ATP6V1C1: variants seen among roughly 807,000 people sequenced by gnomAD.
ATP6V1C1 encodes ATPase H+ transporting V1 subunit C1, also known as V-type proton ATPase subunit C 1.
In ATP6V1C1, 45 loss-of-function variants were observed where a neutral mutation model predicts 53.9. The observed-to-expected ratio is 0.83, with a 90% CI of 0.66 to 1.07. ATP6V1C1 has a LOEUF of 1.07. ATP6V1C1 is among the 50% of genes least tolerant of loss of function. The pLI is 0.00. For missense variants in ATP6V1C1, 315 were observed against 440.3 expected, an observed-to-expected ratio of 0.72 and a Z score of 2.55; for synonymous variants, 153 against 155.2, an observed-to-expected ratio of 0.99 and a Z score of 0.11.
At chr8:103,057,205 A>G (rs886303553) in intron 8 of ATP6V1C1, among the ~76,000 whole-genome samples, 5 of 152,228 alleles carry the variant, frequency 3.3e-5, no homozygotes, top group Non-Finnish European at 7.3e-5. Flanking sequence ...AATAACTCCT[A>G]CAAGTTTCCC....
chr8:103,053,972 G>T lies in ATP6V1C1; in HGVS notation c.562G>T (p.Val188Leu). 6.2e-7 allele frequency: 1 copy of T among 1,606,008 alleles called. No individual in the cohort carries two copies. The highest frequency in any genetic ancestry group is 8.5e-7 in the Non-Finnish European group (1 of 1,175,616). ...AGAGTATCTCGTCACATTACTGGTA[G>T]TAGTTCCCAAGTAAGTCTTTCTATT... ...DSEYLVTLLV[V>L]VPKLNHNDWI... Residue 188 changes from valine to leucine, a missense_variant, in exon 7 of 13, where the codon GTA becomes TTA. Val to Leu is a conservative substitution (Grantham distance 32, BLOSUM62 1). Coordinates refer to ENST00000518738, the MANE Select transcript of ATP6V1C1 (RefSeq NM_001695.5).
At position 103,064,725 on chromosome 8, in the gene ATP6V1C1, A is replaced by G. The variant is rs767886084; in HGVS notation, c.840A>G (p.Val280=). 1.2e-5 allele frequency: 20 copies of G among 1,612,964 alleles called. No homozygotes were observed. In the South Asian group the frequency reaches 2.1e-4, roughly 17 times the overall value. ...TTTTCTTTTTATAGGGACCACTTGT[A>G]CGGTGGCTGAAAGTGAATTTTAGTG... is the stretch of plus-strand genomic sequence containing the variant. ...TDKKKQFGPL[V]RWLKVNFSEA... Residue 280 remains valine (V), a synonymous_variant, in exon 11 of 13, where the codon GTA becomes GTG. Transcript: ENST00000518738.
intron 1 of ATP6V1C1, among the ~76,000 whole-genome samples, chr8:103,039,737 A>G (rs1816961370): frequency 6.6e-6 from 1 of 151,832 alleles, no homozygotes. Flanking sequence ...TGGGAAGGGG[A>G]AGGAGGAGGA....
chr8:103,048,496 A>G (rs1485425794), intron 3 of ATP6V1C1, among the ~76,000 whole-genome samples: 1 of 152,228 alleles, frequency 6.6e-6, no homozygotes, highest in Non-Finnish European at 1.5e-5. Flanking sequence ...ATAGGAACAT[A>G]GTGAATGCTA....
intron 8 of ATP6V1C1, among the ~76,000 whole-genome samples, chr8:103,058,906 T>C (rs1817338934): frequency 6.6e-6 from 1 of 152,098 alleles, no homozygotes; most frequent in Non-Finnish European, 1.5e-5. Flanking sequence ...GCTGTGCTGC[T>C]GTTCTGCTTT....
rs909358157 is a variant in ATP6V1C1, at chr8:103,055,770, C to T, written c.573-98C>T. 8 of 1,133,818 alleles carry T rather than the reference C, an allele frequency of 7.1e-6. No homozygotes were observed. The Admixed American group carries it at 1.7e-4, about 25-fold the overall frequency. 70.2% of individuals were successfully genotyped at this position (1,133,818 alleles called of 1,614,324 possible). A position where few individuals can be genotyped will look rare whatever the true frequency, so the allele number is the denominator to read the frequency against. The stretch of plus-strand genomic sequence containing the variant: ...AGAGTTGAAGTATACTTACTATAGC[C>T]AGATTTCCTATTTGTCTCATAATTT... On this transcript the variant is annotated intron_variant, in intron 7 of 12. Coordinates refer to ENST00000518738, the MANE Select transcript of ATP6V1C1 (RefSeq NM_001695.5).
At chr8:103,057,466 C>T (rs544572421) in intron 8 of ATP6V1C1, among the ~76,000 whole-genome samples, 1 of 152,334 alleles carries the variant, frequency 6.6e-6, no homozygotes, top group South Asian at 2.1e-4. Flanking sequence ...TTCCCATCTG[C>T]CATGCAGGAA....
At chr8:103,058,758 T>C (rs989446015) in intron 8 of ATP6V1C1, among the ~76,000 whole-genome samples, 1 of 152,220 alleles carries the variant, frequency 6.6e-6, no homozygotes, top group African/African-American at 2.4e-5. Context: ...CCTGAAAGAA[T>C]TTTAAAGTTC....
intron 11 of ATP6V1C1, among the ~76,000 whole-genome samples, chr8:103,065,478 A>G (rs1283834494): frequency 2.0e-5 from 3 of 152,214 alleles, no homozygotes; most frequent in African/African-American, 2.4e-5. Context: ...ACTTGAACCC[A>G]GGAGGTGGAG....
chr8:103,062,161 GTTTTTTT>G (rs767825523), intron 8 of ATP6V1C1, among the ~76,000 whole-genome samples: 94 of 70,780 alleles, frequency 1.3e-3, no homozygotes, highest in African/African-American at 4.8e-3. Flanking sequence ...GTTCATCAGG[GTTTTTTT>G]TTTTTTTTTT....
intron 12 of ATP6V1C1, among the ~76,000 whole-genome samples, chr8:103,067,925 A>C (rs766577062): frequency 6.6e-6 from 1 of 152,086 alleles, no homozygotes; most frequent in African/African-American, 2.4e-5. Context: ...ATAAAATGAG[A>C]GGTATAATTA....
intron 6 of ATP6V1C1, 23 bp from the exon 7 acceptor site, chr8:103,053,861 A>G: frequency 1.3e-6 from 2 of 1,539,994 alleles, no homozygotes; most frequent in Non-Finnish European, 1.8e-6. Context: ...TTATCAGCCT[A>G]ATGATTTGTT....
rs79070121 is a variant in ATP6V1C1 at position 103,043,853 on chromosome 8, T to G, written c.200+1446T>G. On this transcript the variant is annotated intron_variant, in intron 3 of 12. Coordinates refer to ENST00000518738, the MANE Select transcript of ATP6V1C1 (RefSeq NM_001695.5). ...GATAAATCCCCTATCAGATATAACTTGCAAATATTTTCTCCTGTTCTGTGA... is the reference window on the plus strand; with the variant it reads ...GATAAATCCCCTATCAGATATAACTGGCAAATATTTTCTCCTGTTCTGTGA... Among the ~76,000 whole-genome samples, 516 of 152,262 alleles carry G rather than the reference T, an allele frequency of 3.4e-3. 5 individuals carry two copies. The highest frequency in any genetic ancestry group is 0.013 in the South Asian group (63 of 4,832).
chr8:103,032,311 C>T (rs557116641), intron 1 of ATP6V1C1, among the ~76,000 whole-genome samples: 2 of 152,268 alleles, frequency 1.3e-5, no homozygotes, highest in South Asian at 4.1e-4. Flanking sequence ...CATGGAAATG[C>T]AACATAACCC....
At chr8:103,056,771 A>G (rs1817295649) in intron 8 of ATP6V1C1, among the ~76,000 whole-genome samples, 1 of 152,202 alleles carries the variant, frequency 6.6e-6, no homozygotes, top group African/African-American at 2.4e-5. Context: ...TCTTATAGAT[A>G]TATATGTGCT....
At chr8:103,063,309 T>C in intron 10 of ATP6V1C1, 81 bp downstream of exon 10, 1 of 931,734 alleles carries the variant, frequency 1.1e-6, no homozygotes, top group Non-Finnish European at 1.6e-6. Context: ...TAAAAGAAAG[T>C]AAAAATCTGC....
intron 12 of ATP6V1C1, 33 bp from the exon 13 acceptor site, chr8:103,068,619 A>T: frequency 6.6e-7 from 1 of 1,505,386 alleles, no homozygotes; most frequent in South Asian, 1.2e-5. Flanking sequence ...TTCTGTAAAT[A>T]CAAAATTGAA....
At chr8:103,050,984 C>T (rs745407462) in intron 4 of ATP6V1C1, 66 bp from the exon 5 acceptor site, 25 of 1,053,646 alleles carry the variant, frequency 2.4e-5, no homozygotes, top group South Asian at 5.5e-5. Flanking sequence ...TAAAATATAT[C>T]GCTGTGTAAA....
intron 5 of ATP6V1C1, among the ~76,000 whole-genome samples, chr8:103,051,650 G>T (rs1317234706): frequency 2.0e-5 from 3 of 152,102 alleles, no homozygotes; most frequent in African/African-American, 7.2e-5. Context: ...GGGAGTACAT[G>T]GACCTTGAAG....
Sources: gnomAD v4.1 joint callset for allele counts (sites outside exome capture counted in the v4.1 genomes callset) on GRCh38, gnomAD v4.1.1 for gene constraint, MANE v1.5 for transcripts, NCBI Gene and HGNC (gene_info 2026-07-23, HGNC 2026-07-21) for gene names.